The following DENND3 variants were observed in gnomAD, a reference collection of about 807,000 sequenced individuals.
The protein encoded by DENND3 is DENN domain-containing protein 3.
A neutral mutation model predicts 135.1 loss-of-function variants in DENND3; 88 were observed. The ratio of observed to expected loss-of-function variants is 0.65; its 90% CI spans 0.55 to 0.78. The LOEUF is 0.78. DENND3 is among the 30% of genes least tolerant of loss of function. The pLI is 0.00. For synonymous variants in DENND3, 693 were observed against 712.3 expected (o/e 0.97, Z 0.43); for missense variants, 1,392 against 1,688.4 (o/e 0.82, Z 3.08).
chr8:141,194,919 T>G lies in DENND3; in HGVS notation c.*686T>G, dbSNP rs577452384. 22 of 152,348 alleles carry G rather than the reference T, an allele frequency of 1.4e-4. No homozygotes were observed. The highest frequency in any genetic ancestry group is 4.6e-4 in the African/African-American group (19 of 41,580). The allele number at this position is 152,348 out of a possible 1,614,324, so 9.4% of individuals were successfully genotyped here. On this transcript the variant is annotated 3_prime_UTR_variant, in exon 23 of 23. Coordinates refer to ENST00000519811, the MANE Select transcript of DENND3 (RefSeq NM_001352890.3). ...TTTTATAATAATCCTAGAGACCTTT[T>G]TTCTACCAAAGATCACAGACCAGAA...
intron 13 of DENND3, among the ~76,000 whole-genome samples, chr8:141,171,684 G>A (rs926439012): frequency 2.0e-5 from 3 of 152,240 alleles, no homozygotes; most frequent in Non-Finnish European, 4.4e-5. Context: ...CCACAGATGT[G>A]CACAGTGGTC....
chr8:141,183,356 C>T (rs899670111), intron 17 of DENND3, among the ~76,000 whole-genome samples: 1 of 152,116 alleles, frequency 6.6e-6, no homozygotes, highest in Non-Finnish European at 1.5e-5. Context: ...AGCGATCCTC[C>T]GCCCTCGGCC....
chr8:141,159,432 C>T (rs991965180), intron 8 of DENND3, among the ~76,000 whole-genome samples: 10 of 152,240 alleles, frequency 6.6e-5, no homozygotes, highest in African/African-American at 1.4e-4. Flanking sequence ...GTCACATCTC[C>T]GGTTCCAGGT....
At chr8:141,179,015 G>T (rs757839435) in intron 16 of DENND3, among the ~76,000 whole-genome samples, 3 of 152,246 alleles carry the variant, frequency 2.0e-5, no homozygotes, top group Non-Finnish European at 2.9e-5. Context: ...TTTCCCTTGG[G>T]CGTAGATCTA....
Position 141,145,828 on chromosome 8 carries a change from TATATATATATATATATATA to T in DENND3, c.735+1570_735+1588del, listed in dbSNP as rs1314627467. Among the ~76,000 whole-genome samples, 63 of 90,682 alleles carry T rather than the reference TATATATATATATATATATA, an allele frequency of 6.9e-4. 1 individual carries two copies. Among genetic ancestry groups the T allele is most frequent in the Middle Eastern group, 5.1e-3 (1 of 196 alleles). The allele number at this position is 90,682 out of a possible 152,430, so 59.5% of individuals were successfully genotyped here. A position where few individuals can be genotyped will look rare whatever the true frequency, so the allele number is the denominator to read the frequency against. ...TTATATATATATATATATATATATA[TATATATATATATATATATA>T]TATGTATTTTTTTTTTTTTGAGGCG... On this transcript the variant is annotated intron_variant, in intron 5 of 22. Transcript: ENST00000519811.
At chr8:141,189,793 CA>C (rs1824445917) in intron 19 of DENND3, among the ~76,000 whole-genome samples, 1 of 152,186 alleles carries the variant, frequency 6.6e-6, no homozygotes, top group Non-Finnish European at 1.5e-5. Flanking sequence ...TCAGGAGGTT[CA>C]GGGGTGGCGC....
chr8:141,182,502 C>T lies in DENND3; in HGVS notation c.2944+1648C>T, dbSNP rs529397609. ...TTGAATACATGGTATTTTTAGGTCC[C>T]GGTTGGTTTCCCTGAAATGAAACTC... On this transcript the variant is annotated intron_variant, in intron 17 of 22. Transcript: ENST00000519811. This position sits in a 1 kb window ranked among gnomAD's most constrained non-coding sequence, Gnocchi z 5.9. 50 of 985,276 alleles carry T rather than the reference C, an allele frequency of 5.1e-5. No homozygotes were observed. Among genetic ancestry groups the T allele is most frequent in the East Asian group, 2.3e-4 (2 of 8,814 alleles). 61.0% of individuals were successfully genotyped at this position (985,276 alleles called of 1,614,324 possible).
Position 141,128,589 on chromosome 8 carries a change from G to T in DENND3, c.-119G>T, listed in dbSNP as rs1032297227. On this transcript the variant is annotated 5_prime_UTR_variant, in exon 1 of 23. Transcript: ENST00000519811. The surrounding 1 kb of genome is among the most constrained non-coding windows in gnomAD (Gnocchi z 4.5). Reference sequence around the variant, plus strand: ...CAGGCCCCGCCTCCAGCCCCGCCCCGCAGACGGCGCTCGCAGCGCCCCCGG... The same window carrying T: ...CAGGCCCCGCCTCCAGCCCCGCCCCTCAGACGGCGCTCGCAGCGCCCCCGG... The T allele has an allele frequency of 2.4e-6, 1 of 418,350 alleles. No individual in the cohort carries two copies. The highest frequency in any genetic ancestry group is 3.4e-6 in the Non-Finnish European group (1 of 289,950). The allele number at this position is 418,350 out of a possible 1,614,324, so 25.9% of individuals were successfully genotyped here.
intron 7 of DENND3, 129 bp downstream of exon 7, chr8:141,151,966 T>C: frequency 8.7e-7 from 1 of 1,143,714 alleles, no homozygotes; most frequent in Non-Finnish European, 1.2e-6. Context: ...AGGTCACGGG[T>C]ACCGTGAGAA....
intron 10 of DENND3, among the ~76,000 whole-genome samples, chr8:141,164,172 C>T (rs899829842): frequency 1.3e-5 from 2 of 152,222 alleles, no homozygotes; most frequent in Non-Finnish European, 2.9e-5. Flanking sequence ...TCTCCCTCAG[C>T]CTCCTGCCTC....
At position 141,137,327 on chromosome 8, in the gene DENND3, G is replaced by C. The variant is rs1816900238; in HGVS notation, c.385+536G>C. Among the ~76,000 whole-genome samples the C allele has an allele frequency of 6.6e-6, 1 of 152,250 alleles. No homozygotes were observed. Among genetic ancestry groups the C allele is most frequent in the Non-Finnish European group, 1.5e-5 (1 of 68,048 alleles). On this transcript the variant is annotated intron_variant, in intron 2 of 22. Coordinates refer to ENST00000519811, the MANE Select transcript of DENND3 (RefSeq NM_001352890.3). The surrounding 1 kb of genome is among the most constrained non-coding windows in gnomAD (Gnocchi z 4.1). ...AAGGAAATGTAAATCATTGCGTGTG[G>C]TCCCGGTGTTTTGGAGAATTGAGTC...
chr8:141,192,980 C>A (rs748819182), intron 22 of DENND3: 1 of 1,096,308 alleles, frequency 9.1e-7, no homozygotes. Context: ...CCGCTTCCCT[C>A]GGGGGCTCGG....
intron 22 of DENND3, 178 bp downstream of exon 22, chr8:141,192,841 G>A: frequency 1.3e-6 from 2 of 1,542,718 alleles, no homozygotes; most frequent in East Asian, 2.4e-5. Context: ...AGGTCACCAT[G>A]TGCTGGTTTC....
rs771119926 is a variant in DENND3, at chr8:141,137,585, C to T, written c.386-437C>T. The stretch of plus-strand genomic sequence containing the variant: ...CAGGCCTGCACTTAGTCCCCAGGCT[C>T]GCCAGTTCCAGTTAACAGGTGAGCT... On this transcript the variant is annotated intron_variant, in intron 2 of 22. Transcript: ENST00000519811. This position sits in a 1 kb window ranked among gnomAD's most constrained non-coding sequence, Gnocchi z 4.1. 1.9e-4 allele frequency among the ~76,000 whole-genome samples: 29 copies of T among 152,202 alleles called. No individual in the cohort carries two copies. Among genetic ancestry groups the T allele is most frequent in the Non-Finnish European group, 4.1e-4 (28 of 68,044 alleles).
rs764136800 is a variant in DENND3, at chr8:141,160,705, C to T, written c.1270C>T (p.Arg424Ter). 8.1e-6 allele frequency: 13 copies of T among 1,613,288 alleles called. No individual in the cohort carries two copies. The highest frequency in any genetic ancestry group is 4.5e-5 in the East Asian group (2 of 44,898). The stretch of plus-strand genomic sequence containing the variant: ...CTCCAGCACAGACCTGAAGGAGGGC[C>T]GAGCCCACCGGCGGTCCTGGCAGCA... Reference protein sequence around the residue: ...LLSSTDLKEGRAHRRSWQQKL... With the variant: ...LLSSTDLKEG Residue 424 changes from arginine to a stop codon, truncating the protein, a stop_gained, in exon 9 of 23, where the codon CGA (arginine) becomes TGA (stop). Transcript: ENST00000519811. LOFTEE classifies it high-confidence loss of function.
chr8:141,173,021 G>A (rs1589665194), intron 13 of DENND3, among the ~76,000 whole-genome samples: 1 of 150,294 alleles, frequency 6.7e-6, no homozygotes, highest in East Asian at 2.0e-4. Flanking sequence ...CAGAGGCGGA[G>A]GTGGCTGAGG....
At chr8:141,148,347 G>T (rs1188203915) in intron 5 of DENND3, among the ~76,000 whole-genome samples, 4 of 152,138 alleles carry the variant, frequency 2.6e-5, no homozygotes, top group African/African-American at 9.7e-5. Context: ...CTCTGATGGT[G>T]CATGGACCAA....
At chr8:141,150,034 G>A (rs1387274788) in intron 5 of DENND3, among the ~76,000 whole-genome samples, 1 of 152,256 alleles carries the variant, frequency 6.6e-6, no homozygotes, top group East Asian at 1.9e-4. Context: ...CCTTGATGGA[G>A]TCTCAGCTGT....
chr8:141,128,897 G>T lies in DENND3; in HGVS notation c.102+88G>T. 5.9e-6 allele frequency: 6 copies of T among 1,022,062 alleles called. No homozygotes were observed. Among genetic ancestry groups the T allele is most frequent in the Non-Finnish European group, 7.8e-6 (6 of 768,184 alleles). The allele number at this position is 1,022,062 out of a possible 1,614,324, so 63.3% of individuals were successfully genotyped here. Reference sequence around the variant, plus strand: ...AGAGCGGGCGCCCGGGTGCCCTGTGGGTTGGCGCGGACTTTCCGAGGGCTG... The same window carrying T: ...AGAGCGGGCGCCCGGGTGCCCTGTGTGTTGGCGCGGACTTTCCGAGGGCTG... On this transcript the variant is annotated intron_variant, in intron 1 of 22. Coordinates refer to ENST00000519811, the MANE Select transcript of DENND3 (RefSeq NM_001352890.3). The surrounding 1 kb of genome is among the most constrained non-coding windows in gnomAD (Gnocchi z 4.5).
Sources: gnomAD v4.1 joint callset for allele counts (sites outside exome capture counted in the v4.1 genomes callset) on GRCh38, gnomAD v4.1.1 for gene constraint, Gnocchi (gnomAD v3.1) non-coding constraint, MANE v1.5 for transcripts, NCBI Gene and HGNC (gene_info 2026-07-23, HGNC 2026-07-21) for gene names.